Variants in FLNB observed in about 807,000 individuals in gnomAD.
The protein encoded by FLNB is filamin B.
A neutral mutation model predicts 250.6 loss-of-function variants in FLNB; 111 were observed. The observed-to-expected ratio is 0.44, with a 90% CI of 0.38 to 0.52. The LOEUF (loss-of-function observed/expected upper bound fraction) is 0.52, where lower values mean the gene tolerates loss of function less well. Ranked by LOEUF, FLNB falls within the 20% of genes least tolerant of loss-of-function variation. The pLI, the probability that FLNB is intolerant of heterozygous loss-of-function variation, is 0.00. For missense variants in FLNB, 2,869 were observed against 3,447.8 expected (o/e 0.83, Z 4.20); for synonymous variants, 1,302 against 1,372.1 (o/e 0.95, Z 1.13).
In FLNB at chr3:58,121,382, G is replaced by A. The variant is rs2097288510; in HGVS notation, c.3005G>A (p.Ser1002Asn). The change falls in exon 20 of 46, where the codon AGC (serine) becomes AAC (asparagine). Residue 1002 changes from serine (S) to asparagine (N), a missense_variant. By Grantham distance (46) the Ser-to-Asn change is conservative (BLOSUM62 1). Coordinates refer to ENST00000295956, the MANE Select transcript of FLNB (RefSeq NM_001457.4). The part of the protein sequence containing the change: ...LVTPVTGREN[S>N]TAKFIPREEG... ...ACACCTGTGACAGGCCGGGAGAACA[G>A]CACGGCCAAGTTCATCCCTCGGGAG... 2.5e-6 allele frequency: 4 copies of A among 1,614,172 alleles called. No homozygotes were observed. The highest frequency in any genetic ancestry group is 3.4e-6 in the Non-Finnish European group (4 of 1,180,034).
chr3:58,121,745 C>T (rs967743950), intron 20 of FLNB, among the ~76,000 whole-genome samples: 1 of 152,206 alleles, frequency 6.6e-6, no homozygotes, highest in Non-Finnish European at 1.5e-5. Flanking sequence ...CGCTTGTTAG[C>T]ATAATCACAG....
intron 38 of FLNB, chr3:58,150,711 C>CCA: frequency 9.9e-6 from 2 of 202,750 alleles, no homozygotes; most frequent in South Asian, 1.8e-4. Flanking sequence ...CTTCTTGGGC[C>CCA]CCGATTAGCC....
chr3:58,098,680 T>C, intron 7 of FLNB, 31 bp from the exon 8 acceptor site: 1 of 1,611,464 alleles, frequency 6.2e-7, no homozygotes. Context: ...AGAGGGTGAC[T>C]TGGGCTCATG....
At chr3:58,119,792 G>T (rs1024045992) in intron 19 of FLNB, among the ~76,000 whole-genome samples, 1 of 152,082 alleles carries the variant, frequency 6.6e-6, no homozygotes, top group African/African-American at 2.4e-5. Context: ...TTCAGTTTCT[G>T]TTCTTCCAGA....
Position 58,130,799 on chromosome 3 carries a change from C to T in FLNB, c.4281C>T (p.Ala1427=), listed in dbSNP as rs188516921. 3.9e-5 allele frequency: 63 copies of T among 1,613,880 alleles called. No individual in the cohort carries two copies. The highest frequency in any genetic ancestry group is 1.9e-4 in the African/African-American group (14 of 75,042). Residue 1427 remains alanine, a synonymous_variant, in exon 25 of 46, where the codon GCC becomes GCT. Coordinates refer to ENST00000295956, the MANE Select transcript of FLNB (RefSeq NM_001457.4). ...DVVDPSKVKI[A]GPGLGSGVRA... is the part of the protein sequence containing the mutation. ...TGGACCCCAGCAAGGTCAAGATTGC[C>T]GGCCCCGGGCTGGGCTCAGGCGTCC...
At position 58,156,008 on chromosome 3, in the gene FLNB, G is replaced by C. The variant is rs1351992315; in HGVS notation, c.6821G>C (p.Ser2274Thr). The change falls in exon 41 of 46, where the codon AGC becomes ACC. Residue 2274 changes from serine (S) to threonine (T), a missense_variant. Ser to Thr is a moderately conservative substitution (Grantham distance 58). This residue lies in a region of FLNB where 1,084 missense variants were observed against 1,315.5 expected (regional missense o/e 0.82). Transcript: ENST00000295956. Reference protein sequence around the residue: ...IKFNDEHIPESPYLVPVIAPS... With the variant: ...IKFNDEHIPETPYLVPVIAPS... ...TTCAATGATGAGCACATCCCGGAAA[G>C]CCCCTACCTGGTGCCGGTCATCGCA... The C allele has an allele frequency of 2.5e-6, 4 of 1,614,052 alleles. No homozygotes were observed. The highest frequency in any genetic ancestry group is 1.3e-5 in the African/African-American group (1 of 74,922).
rs376751278 is a variant in FLNB, at chr3:58,103,955, A to T, written c.1484-4A>T. ...TGGAAAGATTATCTCCTTCCTTCCC[A>T]CAGAGGGTCTGGAGGAGCTGGTGAA... On this transcript the variant is annotated splice_region_variant and splice_polypyrimidine_tract_variant and intron_variant, in intron 9 of 45. Coordinates refer to ENST00000295956, the MANE Select transcript of FLNB (RefSeq NM_001457.4). The T allele has an allele frequency of 5.6e-6, 9 of 1,613,804 alleles. No individual in the cohort carries two copies. In the African/African-American group the frequency reaches 1.2e-4, roughly 22 times the overall value.
intron 4 of FLNB, among the ~76,000 whole-genome samples, chr3:58,084,578 G>A (rs9859588): frequency 0.012 from 1,747 of 151,868 alleles, 37 homozygotes; most frequent in African/African-American, 0.04. Context: ...TTTTTTATAT[G>A]TGTGCTTTTT....
chr3:58,108,707 G>A, intron 13 of FLNB, 136 bp downstream of exon 13: 1 of 683,036 alleles, frequency 1.5e-6, no homozygotes, highest in Non-Finnish European at 2.6e-6. Context: ...TTATCTTATA[G>A]GGTTATGTGA....
intron 38 of FLNB, chr3:58,152,751 G>T: frequency 7.5e-7 from 1 of 1,340,228 alleles, no homozygotes; most frequent in Non-Finnish European, 9.8e-7. Flanking sequence ...TGTGGGGCTG[G>T]AGGGTGCAGT....
chr3:58,039,197 A>G (rs112487383), intron 1 of FLNB, among the ~76,000 whole-genome samples: 10 of 129,416 alleles, frequency 7.7e-5, no homozygotes, highest in African/African-American at 2.5e-4. Context: ...TCTCTACAGG[A>G]AAAAAAAAAA....
At chr3:58,095,545 C>T (rs1022989092) in intron 5 of FLNB, among the ~76,000 whole-genome samples, 3 of 152,132 alleles carry the variant, frequency 2.0e-5, no homozygotes, top group South Asian at 2.1e-4. Flanking sequence ...TGTGAGCCAC[C>T]GTGCCCAGCC....
chr3:58,098,890 G>C lies in FLNB; in HGVS notation c.1327G>C (p.Val443Leu), dbSNP rs200902568. The C allele has an allele frequency of 4.5e-5, 73 of 1,613,980 alleles. No individual in the cohort carries two copies. Among genetic ancestry groups the C allele is most frequent in the East Asian group, 2.0e-4 (9 of 44,882 alleles). The part of the protein sequence containing the change: ...AGDTIPKSPF[V>L]VQVGEACNPN... ...GGACACTATTCCTAAGAGTCCCTTCGTTGTGCAGGTTGGGGAAGGTGAGTG... is the reference window on the plus strand; with the variant it reads ...GGACACTATTCCTAAGAGTCCCTTCCTTGTGCAGGTTGGGGAAGGTGAGTG... Residue 443 changes from valine (V) to leucine (L), a missense_variant, in exon 8 of 46, where the codon GTT becomes CTT. By Grantham distance (32) the Val-to-Leu change is conservative. Coordinates refer to ENST00000295956, the MANE Select transcript of FLNB (RefSeq NM_001457.4).
In FLNB at chr3:58,008,525, C is replaced by A. The variant is rs772903696; in HGVS notation, c.-40C>A. 1 of 1,556,556 alleles carries A rather than the reference C, an allele frequency of 6.4e-7. No homozygotes were observed. The highest frequency in any genetic ancestry group is 1.2e-5 in the South Asian group (1 of 85,128). Reference sequence around the variant, plus strand: ...CCCTTGGGCCTCCAAACACCAGTCCCCGGCAGCTCGTTGCGCATTGCGCTC... The same window carrying A: ...CCCTTGGGCCTCCAAACACCAGTCCACGGCAGCTCGTTGCGCATTGCGCTC... On this transcript the variant is annotated 5_prime_UTR_variant, in exon 1 of 46. Transcript: ENST00000295956.
At position 58,130,716 on chromosome 3, in the gene FLNB, C is replaced by A. The variant is rs374273708; in HGVS notation, c.4223-25C>A. The A allele has an allele frequency of 3.1e-6, 5 of 1,606,952 alleles. No homozygotes were observed. The African/African-American group carries it at 6.7e-5, about 21-fold the overall frequency. ...TGGTCTCCAATTCCCAGCTTGTGCT[C>A]AGAATCCCACAACCTCTCTTCCAGG... is the stretch of plus-strand genomic sequence containing the variant. On this transcript the variant is annotated intron_variant, in intron 24 of 45. Transcript: ENST00000295956.
rs1376404921 is a variant in FLNB, at chr3:58,153,698, G to A, written c.6634+57G>A. 12 of 1,597,390 alleles carry A rather than the reference G, an allele frequency of 7.5e-6. No homozygotes were observed. The Admixed American group carries it at 2.0e-4, about 27-fold the overall frequency. Reference sequence around the variant, plus strand: ...AAGAATAGAGTTGAGCCCAGGCAGTGTGGGCACCCACATACTTTTTTGCCC... The same window carrying A: ...AAGAATAGAGTTGAGCCCAGGCAGTATGGGCACCCACATACTTTTTTGCCC... On this transcript the variant is annotated intron_variant, in intron 39 of 45. Coordinates refer to ENST00000295956, the MANE Select transcript of FLNB (RefSeq NM_001457.4).
intron 5 of FLNB, among the ~76,000 whole-genome samples, chr3:58,095,899 G>A (rs1191372737): frequency 6.6e-6 from 1 of 152,170 alleles, no homozygotes; most frequent in Non-Finnish European, 1.5e-5. Context: ...CTCTTACCTA[G>A]AGAGTGCCAG....
At position 58,123,396 on chromosome 3, in the gene FLNB, G is replaced by C. The variant is rs199959926; in HGVS notation, c.3430G>C (p.Glu1144Gln). ...AGTCGTGGCATCGGGGCCAGGTCTC[G>C]AGCACGGGAAGGTGGGTGAAGCTGG... ...SKVVASGPGL[E>Q]HGKVGEAGLL... Residue 1144 changes from glutamate (E) to glutamine (Q), a missense_variant, in exon 21 of 46, where the codon GAG (glutamate) becomes CAG (glutamine). Physicochemically the swap from Glu to Gln is conservative, Grantham distance 29 (BLOSUM62 2). Coordinates refer to ENST00000295956, the MANE Select transcript of FLNB (RefSeq NM_001457.4). 1.4e-4 allele frequency: 222 copies of C among 1,614,122 alleles called. 1 individual carries two copies. The East Asian group carries it at 3.7e-3, about 27-fold the overall frequency.
At chr3:58,120,618 G>A (rs1462814895) in intron 19 of FLNB, among the ~76,000 whole-genome samples, 1 of 152,188 alleles carries the variant, frequency 6.6e-6, no homozygotes, top group African/African-American at 2.4e-5. Flanking sequence ...CAATCGGCTC[G>A]CATTTGGCAG....
Sources: allele counts gnomAD v4.1 joint callset (sites outside exome capture counted in the v4.1 genomes callset), GRCh38; gene constraint gnomAD v4.1.1; regional missense constraint gnomAD v4.1.1; transcripts MANE v1.5; gene names NCBI Gene and HGNC (gene_info 2026-07-23, HGNC 2026-07-21).